Variants in HRK observed in about 807,000 individuals in gnomAD.
The protein encoded by HRK is harakiri, BCL2 interacting protein.
In HRK, 6 loss-of-function variants were observed where a neutral mutation model predicts 5.9. The ratio of observed to expected loss-of-function variants is 1.02; its 90% CI spans 0.56 to 2.01. The LOEUF (loss-of-function observed/expected upper bound fraction) is 2.01. HRK is among the 30% of genes most tolerant of loss of function. The probability of loss-of-function intolerance (pLI) is 0.00; values close to 1 mark genes in which losing one functional copy is unlikely to be tolerated. For synonymous variants in HRK, 85 were observed against 65.1 expected, an observed-to-expected ratio of 1.31 and a Z score of -1.47; for missense variants, 133 against 128.3, an observed-to-expected ratio of 1.04 and a Z score of -0.18.
At chr12:116,863,439 G>A (rs1372025248) in intron 1 of HRK, among the ~76,000 whole-genome samples, 1 of 152,166 alleles carries the variant, frequency 6.6e-6, no homozygotes, top group Admixed American at 6.5e-5. Flanking sequence ...GCCAGGGTGG[G>A]AATAGCTCCC....
chr12:116,868,402 C>T (rs149729100), intron 1 of HRK, among the ~76,000 whole-genome samples: 2 of 152,306 alleles, frequency 1.3e-5, no homozygotes, highest in Non-Finnish European at 2.9e-5. Flanking sequence ...TTAAGCTCGC[C>T]TCATCTTAAC....
chr12:116,863,993 CA>C (rs1232597843), intron 1 of HRK, among the ~76,000 whole-genome samples: 3 of 152,298 alleles, frequency 2.0e-5, no homozygotes, highest in South Asian at 2.1e-4. Context: ...TGCGCCACCA[CA>C]CCAGGCCAAT....
intron 1 of HRK, among the ~76,000 whole-genome samples, chr12:116,865,937 C>A (rs1052080423): frequency 1.7e-4 from 26 of 152,054 alleles, no homozygotes; most frequent in Non-Finnish European, 4.4e-5. Flanking sequence ...GCAGGTGGAT[C>A]ACTTGAGGTC....
At chr12:116,876,165 C>T (rs1878918975) in intron 1 of HRK, among the ~76,000 whole-genome samples, 1 of 152,180 alleles carries the variant, frequency 6.6e-6, no homozygotes, top group African/African-American at 2.4e-5. Flanking sequence ...TGTACTCTGG[C>T]CTCTCACTAT....
Position 116,856,387 on chromosome 12 carries a change from G to A in HRK, c.*5136C>T, listed in dbSNP as rs1878147853. 6.6e-6 allele frequency: 1 copy of A among 152,244 alleles called. No individual in the cohort carries two copies. Among genetic ancestry groups the A allele is most frequent in the Non-Finnish European group, 1.5e-5 (1 of 68,068 alleles). 9.4% of individuals were successfully genotyped at this position (152,244 alleles called of 1,614,324 possible). On this transcript the variant is annotated 3_prime_UTR_variant, in exon 2 of 2. Transcript: ENST00000257572. This position sits in a 1 kb window ranked among gnomAD's most constrained non-coding sequence, Gnocchi z 4.4. ...GGCTCCTTGGCGCTTATAGTGCAAAGACCTTCAGGAGAAGAAACTTGGGAG... is the reference window on the plus strand; with the variant it reads ...GGCTCCTTGGCGCTTATAGTGCAAAAACCTTCAGGAGAAGAAACTTGGGAG...
chr12:116,867,813 C>T (rs1402970876), intron 1 of HRK: 1 of 152,116 alleles, frequency 6.6e-6, no homozygotes, highest in Non-Finnish European at 1.5e-5. Flanking sequence ...GAGGAAAAAG[C>T]AGGTTACAAA....
At chr12:116,871,480 T>C (rs10850727) in intron 1 of HRK, among the ~76,000 whole-genome samples, 39,441 of 150,986 alleles carry the variant, frequency 0.26, 5,360 homozygotes, top group African/African-American at 0.34. Flanking sequence ...TTTGTTTCTA[T>C]TTTTAGTAGA....
rs1191368659 is a variant in HRK, at chr12:116,879,977, A to T, written c.*56+999T>A. On this transcript the variant is annotated intron_variant, in intron 1 of 1. Transcript: ENST00000257572. The surrounding 1 kb of genome is among the most constrained non-coding windows in gnomAD (Gnocchi z 5.6). ...CTGCAGCGCTCCTCGCTACTCCAGG[A>T]TCCAGAGTAGTAAGACGATGCTTAC... Among the ~76,000 whole-genome samples, 2 of 152,162 alleles carry T rather than the reference A, an allele frequency of 1.3e-5. No individual in the cohort carries two copies. The highest frequency in any genetic ancestry group is 4.8e-5 in the African/African-American group (2 of 41,454).
Position 116,856,967 on chromosome 12 carries a change from T to C in HRK, c.*4556A>G, listed in dbSNP as rs552223223. ...GGAGTGGCGAGCACGCCATAAAAGG[T>C]AGCTTTGATTATTGTGTAAAGCAGC... is the stretch of plus-strand genomic sequence containing the variant. On this transcript the variant is annotated 3_prime_UTR_variant, in exon 2 of 2. Transcript: ENST00000257572. The surrounding 1 kb of genome is among the most constrained non-coding windows in gnomAD (Gnocchi z 4.4). The C allele has an allele frequency of 1.1e-4, 17 of 152,348 alleles. No homozygotes were observed. Among genetic ancestry groups the C allele is most frequent in the African/African-American group, 4.1e-4 (17 of 41,574 alleles). 9.4% of individuals were successfully genotyped at this position (152,348 alleles called of 1,614,324 possible).
In HRK at chr12:116,879,401, C is replaced by A; in HGVS notation, c.*56+1575G>T. 1 of 150,912 alleles carries A rather than the reference C, an allele frequency of 6.6e-6. No individual in the cohort carries two copies. Among genetic ancestry groups the A allele is most frequent in the Non-Finnish European group, 1.5e-5 (1 of 67,812 alleles). The allele number at this position is 150,912 out of a possible 1,614,324, so 9.3% of individuals were successfully genotyped here. A position where few individuals can be genotyped will look rare whatever the true frequency, so the allele number is the denominator to read the frequency against. ...CTCTTCCTCTTCGCCCACTTTTTTT[C>A]TGCCTCTTCCCAAATTCCACGCTTT... is the stretch of plus-strand genomic sequence containing the variant. On this transcript the variant is annotated intron_variant, in intron 1 of 1. Transcript: ENST00000257572. The surrounding 1 kb of genome is among the most constrained non-coding windows in gnomAD (Gnocchi z 5.6).
chr12:116,868,291 C>T (rs1020143289), intron 1 of HRK, among the ~76,000 whole-genome samples: 1 of 144,930 alleles, frequency 6.9e-6, no homozygotes, highest in South Asian at 2.1e-4. Flanking sequence ...GAGAAAACCA[C>T]GCAGGTCAAA....
chr12:116,880,575 C>A (rs1427568918), intron 1 of HRK, among the ~76,000 whole-genome samples: 1 of 152,044 alleles, frequency 6.6e-6, no homozygotes, highest in Non-Finnish European at 1.5e-5. Flanking sequence ...GGACCGGGGA[C>A]CTTTCTTGGA....
chr12:116,863,726 TCTCGCTCTGCCAC>T (rs1386720714), intron 1 of HRK, among the ~76,000 whole-genome samples: 2 of 151,058 alleles, frequency 1.3e-5, no homozygotes, highest in Admixed American at 6.6e-5. Context: ...AGAAACTGGG[TCTCGCTCTGCCAC>T]CCAGGCAGGA....
chr12:116,876,375 T>C (rs1430268474), intron 1 of HRK, among the ~76,000 whole-genome samples: 3 of 152,214 alleles, frequency 2.0e-5, no homozygotes, highest in African/African-American at 7.2e-5. Context: ...GGGATGCGCC[T>C]CCAGGTTTAA....
chr12:116,880,446 C>G (rs1003277633), intron 1 of HRK, among the ~76,000 whole-genome samples: 1 of 152,106 alleles, frequency 6.6e-6, no homozygotes, highest in Non-Finnish European at 1.5e-5. Flanking sequence ...TCTCGAGATG[C>G]GCTTGGGGTG....
chr12:116,881,083 G>T lies in HRK; in HGVS notation c.225C>A (p.Ala75=). The T allele has an allele frequency of 1.5e-6, 2 of 1,343,358 alleles. No individual in the cohort carries two copies. Among genetic ancestry groups the T allele is most frequent in the African/African-American group, 1.5e-5 (1 of 65,228 alleles). 83.2% of individuals were successfully genotyped at this position (1,343,358 alleles called of 1,614,324 possible). Residue 75 remains alanine (A), a synonymous_variant, in exon 1 of 2, where the codon GCC becomes GCA. Coordinates refer to ENST00000257572, the MANE Select transcript of HRK (RefSeq NM_003806.4). The part of the protein sequence containing the change: ...LPTYWPWLCA[A]AQVAALAAWL... ...AGGCCGCCAGCGCCGCCACCTGCGCGGCCGCGCACAGCCAAGGCCAGTAGG... is the reference window on the plus strand; with the variant it reads ...AGGCCGCCAGCGCCGCCACCTGCGCTGCCGCGCACAGCCAAGGCCAGTAGG...
At position 116,880,690 on chromosome 12, in the gene HRK, A is replaced by C. The variant is rs528740186; in HGVS notation, c.*56+286T>G. On this transcript the variant is annotated intron_variant, in intron 1 of 1. Coordinates refer to ENST00000257572, the MANE Select transcript of HRK (RefSeq NM_003806.4). Reference sequence around the variant, plus strand: ...TTTATTTGTGGGGCTGGTGGGGATTATGGAGGCTGAAGTCCTCCGCAAGCC... The same window carrying C: ...TTTATTTGTGGGGCTGGTGGGGATTCTGGAGGCTGAAGTCCTCCGCAAGCC... Among the ~76,000 whole-genome samples the C allele has an allele frequency of 2.6e-5, 4 of 152,154 alleles. No homozygotes were observed. The South Asian group carries it at 6.2e-4, about 24-fold the overall frequency.
chr12:116,872,366 A>C (rs1420146711), intron 1 of HRK, among the ~76,000 whole-genome samples: 1 of 152,154 alleles, frequency 6.6e-6, no homozygotes, highest in Admixed American at 6.5e-5. Flanking sequence ...CTTCATCTCA[A>C]AACAAACAAA....
In HRK at chr12:116,881,152, G is replaced by T; in HGVS notation, c.156C>A (p.Arg52=). ...DELHQRTMWR[R]RARSRRAPAP... ...CCGGCGCCCTCCGGCTCCGCGCGCG[G>T]CGCCGCCACATGGTGCGCTGGTGCA... Residue 52 remains arginine, a synonymous_variant, in exon 1 of 2, where the codon CGC becomes CGA. Coordinates refer to ENST00000257572, the MANE Select transcript of HRK (RefSeq NM_003806.4). 1.7e-6 allele frequency: 2 copies of T among 1,184,326 alleles called. No individual in the cohort carries two copies. Among genetic ancestry groups the T allele is most frequent in the South Asian group, 8.0e-5 (2 of 25,130 alleles). The allele number at this position is 1,184,326 out of a possible 1,614,324, so 73.4% of individuals were successfully genotyped here. A position where few individuals can be genotyped will look rare whatever the true frequency, so the allele number is the denominator to read the frequency against.
Sources: allele counts gnomAD v4.1 joint callset (sites outside exome capture counted in the v4.1 genomes callset), GRCh38; gene constraint gnomAD v4.1.1; non-coding constraint Gnocchi (gnomAD v3.1); transcripts MANE v1.5; gene names NCBI Gene and HGNC (gene_info 2026-07-23, HGNC 2026-07-21).